The following RABEPK variants were observed in gnomAD, a reference collection of about 807,000 sequenced individuals.
RABEPK encodes Rab9 effector protein with kelch motifs.
In RABEPK, 27 loss-of-function variants were observed where a neutral mutation model predicts 34.1. The ratio of observed to expected loss-of-function variants is 0.79; its 90% CI spans 0.58 to 1.09. The LOEUF is 1.09. Among genes scored for constraint, RABEPK ranks in the 50% least tolerant of loss-of-function variants. RABEPK has a pLI of 0.00. For synonymous variants in RABEPK, 172 were observed against 169.2 expected (o/e 1.02, Z -0.13); for missense variants, 449 against 462.6 (o/e 0.97, Z 0.27).
rs887861779 is a variant in RABEPK, at chr9:125,200,570, C to T, written c.-343C>T. The T allele has an allele frequency of 7.4e-6, 3 of 405,784 alleles. No individual in the cohort carries two copies. Among genetic ancestry groups the T allele is most frequent in the Non-Finnish European group, 1.6e-5 (3 of 192,308 alleles). 25.1% of individuals were successfully genotyped at this position (405,784 alleles called of 1,614,324 possible). On this transcript the variant is annotated 5_prime_UTR_variant, in exon 1 of 8. Transcript: ENST00000373538. ...GTCACGGCTCGCGACTGGCCTAAGTCGCCGCAGGTATTGCAGTCCGGGGCT... is the reference window on the plus strand; with the variant it reads ...GTCACGGCTCGCGACTGGCCTAAGTTGCCGCAGGTATTGCAGTCCGGGGCT...
At chr9:125,204,261 C>T (rs142911630) in intron 2 of RABEPK, among the ~76,000 whole-genome samples, 85 of 149,178 alleles carry the variant, frequency 5.7e-4, no homozygotes, top group African/African-American at 1.8e-3. Context: ...GGCGACAGAG[C>T]GAGACTCCAT....
chr9:125,202,981 A>C (rs1830000545), intron 1 of RABEPK, 27 bp from the exon 2 acceptor site: 1 of 1,603,966 alleles, frequency 6.2e-7, no homozygotes, highest in Non-Finnish European at 8.5e-7. Flanking sequence ...TAAGTGTCTA[A>C]AAAGTGCCTT....
At position 125,200,899 on chromosome 9, in the gene RABEPK, G is replaced by C. The variant is rs1256025916; in HGVS notation, c.-14G>C. On this transcript the variant is annotated 5_prime_UTR_variant, in exon 1 of 8. Coordinates refer to ENST00000373538, the MANE Select transcript of RABEPK (RefSeq NM_005833.4). ...TTTGGGGACAGCTGTCAGTGGCCTAGGCCGCAGGTGAGATTTATCCATTCA... is the reference window on the plus strand; with the variant it reads ...TTTGGGGACAGCTGTCAGTGGCCTACGCCGCAGGTGAGATTTATCCATTCA... 2.1e-6 allele frequency: 1 copy of C among 469,918 alleles called. No individual in the cohort carries two copies. Among genetic ancestry groups the C allele is most frequent in the Non-Finnish European group, 4.4e-6 (1 of 226,488 alleles). The allele number at this position is 469,918 out of a possible 1,614,324, so 29.1% of individuals were successfully genotyped here.
At position 125,227,486 on chromosome 9, in the gene RABEPK, A is replaced by G. The variant is rs550510273; in HGVS notation, c.527-424A>G. ...GCCCAGGCTGGAATGCAATGGCGCA[A>G]TCTCGGCTCACTTCAACCTCCACCT... is the stretch of plus-strand genomic sequence containing the variant. On this transcript the variant is annotated intron_variant, in intron 5 of 7. Coordinates refer to ENST00000373538, the MANE Select transcript of RABEPK (RefSeq NM_005833.4). 2.6e-5 allele frequency among the ~76,000 whole-genome samples: 4 copies of G among 151,858 alleles called. No individual in the cohort carries two copies. The East Asian group carries it at 5.8e-4, about 22-fold the overall frequency.
At chr9:125,231,288 T>G (rs1832158763) in intron 6 of RABEPK, among the ~76,000 whole-genome samples, 1 of 150,864 alleles carries the variant, frequency 6.6e-6, no homozygotes, top group African/African-American at 2.5e-5. Flanking sequence ...AGTGAGACTC[T>G]GTCTCAAAAG....
chr9:125,232,597 T>C lies in RABEPK; in HGVS notation c.678T>C (p.Ser226=). 1 of 1,610,940 alleles carries C rather than the reference T, an allele frequency of 6.2e-7. No individual in the cohort carries two copies. Among genetic ancestry groups the C allele is most frequent in the Non-Finnish European group, 8.5e-7 (1 of 1,178,510 alleles). ...FYDDLHCIDI[S]DMKWQKLNPT... ...AAAGCTCTTTCTTTCTCTTGGCAGG[T>C]GACATGAAATGGCAGAAGCTAAATC... Residue 226 remains serine, a splice_region_variant and synonymous_variant, in exon 7 of 8, where the codon AGT becomes AGC. Coordinates refer to ENST00000373538, the MANE Select transcript of RABEPK (RefSeq NM_005833.4).
At chr9:125,218,814 C>G (rs1374487780) in intron 4 of RABEPK, among the ~76,000 whole-genome samples, 1 of 152,118 alleles carries the variant, frequency 6.6e-6, no homozygotes, top group South Asian at 2.1e-4. Flanking sequence ...CAACCTCAAC[C>G]GCTGCAGGCT....
chr9:125,229,232 C>T lies in RABEPK; in HGVS notation c.676+1173C>T, dbSNP rs190726774. 1.1e-4 allele frequency among the ~76,000 whole-genome samples: 16 copies of T among 149,606 alleles called. No individual in the cohort carries two copies. In the East Asian group the frequency reaches 1.4e-3, roughly 13 times the overall value. On this transcript the variant is annotated intron_variant, in intron 6 of 7. Coordinates refer to ENST00000373538, the MANE Select transcript of RABEPK (RefSeq NM_005833.4). ...TCATGCCACTGCACTTCATCCTGGG[C>T]GACACAGCAAGACTCCGTCTCCAAA...
At chr9:125,215,356 C>G (rs1386626195) in intron 4 of RABEPK, among the ~76,000 whole-genome samples, 1 of 151,140 alleles carries the variant, frequency 6.6e-6, no homozygotes, top group African/African-American at 2.4e-5. Flanking sequence ...GTTGCCCAGG[C>G]TGGGATGCAG....
intron 7 of RABEPK, among the ~76,000 whole-genome samples, chr9:125,233,333 T>TG (rs1254919079): frequency 7.3e-6 from 1 of 136,314 alleles, no homozygotes; most frequent in Non-Finnish European, 1.6e-5. Flanking sequence ...GAAATTGTTT[T>TG]TTTTTTTTTT....
intron 1 of RABEPK, among the ~76,000 whole-genome samples, chr9:125,201,136 G>A (rs1324635248): frequency 6.6e-6 from 1 of 152,190 alleles, no homozygotes. Flanking sequence ...TACCTTCAGA[G>A]CCCAGTGGGT....
Position 125,232,626 on chromosome 9 carries a change from CT to C in RABEPK, c.708del (p.Ala238LeufsTer24). On this transcript the variant is annotated frameshift_variant, in exon 7 of 8. Transcript: ENST00000373538. LOFTEE classifies it high-confidence loss of function. Reference sequence around the variant, plus strand: ...ATGAAATGGCAGAAGCTAAATCCCACTGGGGCTGCTCCAGCAGGCTGTGCTG... The same window carrying C: ...ATGAAATGGCAGAAGCTAAATCCCACGGGGCTGCTCCAGCAGGCTGTGCTG... ...SDMKWQKLNP[T>X]GAAPAGCAAH... is the part of the protein sequence containing the mutation. The C allele has an allele frequency of 6.2e-7, 1 of 1,613,936 alleles. No homozygotes were observed. The highest frequency in any genetic ancestry group is 1.3e-5 in the African/African-American group (1 of 75,070).
intron 4 of RABEPK, among the ~76,000 whole-genome samples, chr9:125,214,052 G>A (rs549597141): frequency 4.5e-4 from 69 of 152,032 alleles, no homozygotes; most frequent in Non-Finnish European, 8.5e-4. Flanking sequence ...AACCCGGGAG[G>A]CGGAGATTGC....
chr9:125,231,800 G>A (rs1832198563), intron 6 of RABEPK, among the ~76,000 whole-genome samples: 1 of 151,646 alleles, frequency 6.6e-6, no homozygotes, highest in African/African-American at 2.4e-5. Flanking sequence ...AAGGGGATAG[G>A]CAGAAGTAAT....
At chr9:125,229,533 A>G (rs1832029417) in intron 6 of RABEPK, among the ~76,000 whole-genome samples, 1 of 152,232 alleles carries the variant, frequency 6.6e-6, no homozygotes, top group African/African-American at 2.4e-5. Context: ...TCTGGACAGA[A>G]TACTAATAAT....
At chr9:125,225,314 G>A (rs901104637) in intron 5 of RABEPK, among the ~76,000 whole-genome samples, 2 of 151,808 alleles carry the variant, frequency 1.3e-5, no homozygotes, top group Non-Finnish European at 2.9e-5. Flanking sequence ...GAACCTGCGA[G>A]GCAGAGGTTG....
chr9:125,216,378 A>G (rs943476196), intron 4 of RABEPK, among the ~76,000 whole-genome samples: 1 of 151,980 alleles, frequency 6.6e-6, no homozygotes, highest in Non-Finnish European at 1.5e-5. Flanking sequence ...TTGCCCACCT[A>G]CTACATTTGT....
intron 1 of RABEPK, among the ~76,000 whole-genome samples, chr9:125,202,332 C>G (rs899300113): frequency 2.0e-5 from 3 of 150,300 alleles, no homozygotes; most frequent in African/African-American, 7.4e-5. Context: ...ACCAGCCTGG[C>G]CAGTGTGGTA....
In RABEPK at chr9:125,218,893, A is replaced by AT. The variant is rs534310878; in HGVS notation, c.365-1637dup. On this transcript the variant is annotated intron_variant, in intron 4 of 7. Coordinates refer to ENST00000373538, the MANE Select transcript of RABEPK (RefSeq NM_005833.4). ...AGGCATACGCCACCACACCCGACTAATTTTTTTTTGTATTTTTTTGTAGAG... is the reference window on the plus strand; with the variant it reads ...AGGCATACGCCACCACACCCGACTAATTTTTTTTTTGTATTTTTTTGTAGAG... 6.8e-4 allele frequency among the ~76,000 whole-genome samples: 103 copies of AT among 151,030 alleles called. 1 individual carries two copies. In the South Asian group the frequency reaches 7.7e-3, roughly 11 times the overall value.
Sources: gnomAD v4.1 joint callset for allele counts (sites outside exome capture counted in the v4.1 genomes callset) on GRCh38, gnomAD v4.1.1 for gene constraint, MANE v1.5 for transcripts, NCBI Gene and HGNC (gene_info 2026-07-23, HGNC 2026-07-21) for gene names.